NTM: variants seen among roughly 807,000 people sequenced by gnomAD.
NTM encodes the protein IgLON family member 2.
A neutral mutation model predicts 42.1 loss-of-function variants in NTM; 13 were observed. The ratio of observed to expected loss-of-function variants is 0.31; its 90% CI spans 0.20 to 0.49. NTM has a LOEUF of 0.49. NTM is among the 20% of genes least tolerant of loss of function. The pLI is 0.99. For synonymous variants in NTM, 187 were observed against 179.2 expected (o/e 1.04, Z -0.35); for missense variants, 373 against 452.8 (o/e 0.82, Z 1.60).
At chr11:132,152,145 T>A (rs2072074831) in intron 3 of NTM, among the ~76,000 whole-genome samples, 1 of 152,170 alleles carries the variant, frequency 6.6e-6, no homozygotes, top group African/African-American at 2.4e-5. Context: ...ACACAAAATA[T>A]CAAAGGAAAT....
At chr11:132,301,185 T>C (rs1420080098) in intron 4 of NTM, among the ~76,000 whole-genome samples, 1 of 152,156 alleles carries the variant, frequency 6.6e-6, no homozygotes, top group Non-Finnish European at 1.5e-5. Context: ...AACACGTCCT[T>C]CTTCACAAGG....
intron 1 of NTM, among the ~76,000 whole-genome samples, chr11:131,586,115 T>G (rs1294161652): frequency 6.6e-6 from 1 of 151,838 alleles, no homozygotes; most frequent in Non-Finnish European, 1.5e-5. Flanking sequence ...AGTTTTTCCT[T>G]TTTTTTTGGA....
chr11:132,199,128 CA>C (rs552169347), intron 3 of NTM, among the ~76,000 whole-genome samples: 175 of 152,244 alleles, frequency 1.1e-3, no homozygotes, highest in African/African-American at 4.0e-3. Flanking sequence ...AATGACAAAG[CA>C]TGGGTTTTTA....
intron 1 of NTM, among the ~76,000 whole-genome samples, chr11:131,895,023 G>A (rs2052033259): frequency 6.6e-6 from 1 of 152,166 alleles, no homozygotes; most frequent in African/African-American, 2.4e-5. Flanking sequence ...CACCGGGCAA[G>A]CCTGAAGAAG....
At chr11:131,994,642 A>G (rs2067656302) in intron 2 of NTM, among the ~76,000 whole-genome samples, 1 of 152,138 alleles carries the variant, frequency 6.6e-6, no homozygotes, top group African/African-American at 2.4e-5. Context: ...TCATAAGCAC[A>G]CTAGCCTCCT....
At chr11:132,085,144 A>T (rs2059544663) in intron 2 of NTM, among the ~76,000 whole-genome samples, 1 of 152,258 alleles carries the variant, frequency 6.6e-6, no homozygotes, top group Non-Finnish European at 1.5e-5. Flanking sequence ...AATTTAAAGC[A>T]ATATTTTATC....
At chr11:131,660,982 G>A (rs1396065038) in intron 1 of NTM, 22 of 1,304,204 alleles carry the variant, frequency 1.7e-5, no homozygotes, top group Non-Finnish European at 2.2e-5. Flanking sequence ...TGTTTTTAAA[G>A]TGGAAAAAAA....
At chr11:131,403,364 A>G (rs558335044) in intron 1 of NTM, among the ~76,000 whole-genome samples, 23 of 152,144 alleles carry the variant, frequency 1.5e-4, no homozygotes, top group Non-Finnish European at 3.2e-4. Context: ...CTTTGGTCCT[A>G]TGATCACTCT....
chr11:131,464,779 G>T (rs377346732), intron 1 of NTM, among the ~76,000 whole-genome samples: 1 of 152,186 alleles, frequency 6.6e-6, no homozygotes, highest in Non-Finnish European at 1.5e-5. Context: ...GTCCAAGCGG[G>T]TCTGCGAGGG....
At chr11:132,253,144 A>G (rs1032731665) in intron 4 of NTM, among the ~76,000 whole-genome samples, 2 of 152,238 alleles carry the variant, frequency 1.3e-5, no homozygotes, top group Admixed American at 6.5e-5. Context: ...TCTGGAACAC[A>G]TGCCATGTCC....
chr11:131,752,505 G>A (rs1458931674), intron 1 of NTM, among the ~76,000 whole-genome samples: 1 of 152,224 alleles, frequency 6.6e-6, no homozygotes, highest in East Asian at 1.9e-4. Flanking sequence ...TCTAGAGCTA[G>A]AAATACCATT....
intron 2 of NTM, among the ~76,000 whole-genome samples, chr11:131,983,412 G>A (rs1192830015): frequency 8.0e-6 from 1 of 124,890 alleles, no homozygotes; most frequent in African/African-American, 3.1e-5. Flanking sequence ...GTCTCGCTCT[G>A]TCTCCTAGGC....
chr11:131,969,287 G>A (rs1353335856), intron 2 of NTM, among the ~76,000 whole-genome samples: 3 of 152,172 alleles, frequency 2.0e-5, no homozygotes, highest in African/African-American at 7.2e-5. Flanking sequence ...TGAATGACAG[G>A]TGGGGGCTTC....
At chr11:131,770,748 C>T (rs1455862207) in intron 1 of NTM, 1 of 152,096 alleles carries the variant, frequency 6.6e-6, no homozygotes, top group Non-Finnish European at 1.5e-5. Flanking sequence ...TGGCACTTCC[C>T]GAATTTGCTT....
At chr11:131,868,815 T>A (rs2047478014) in intron 1 of NTM, among the ~76,000 whole-genome samples, 1 of 152,200 alleles carries the variant, frequency 6.6e-6, no homozygotes, top group Non-Finnish European at 1.5e-5. Flanking sequence ...CTCTGATCTC[T>A]CCAGGCACTT....
chr11:131,971,612 G>A (rs2063539816), intron 2 of NTM, among the ~76,000 whole-genome samples: 1 of 152,016 alleles, frequency 6.6e-6, no homozygotes, highest in South Asian at 2.1e-4. Context: ...ACCTGCCTGG[G>A]TCCAAATCTT....
intron 1 of NTM, among the ~76,000 whole-genome samples, chr11:131,373,549 G>T (rs1941513958): frequency 6.6e-6 from 1 of 151,752 alleles, no homozygotes. Context: ...GCTCCCTGGG[G>T]CTCTGGCCCT....
chr11:131,971,102 T>A (rs1389880792), intron 2 of NTM, among the ~76,000 whole-genome samples: 1 of 152,186 alleles, frequency 6.6e-6, no homozygotes, highest in African/African-American at 2.4e-5. Flanking sequence ...TGCTGGGTCA[T>A]GGGACTCCAC....
At chr11:131,598,736 T>TTTC (rs2060081466) in intron 1 of NTM, among the ~76,000 whole-genome samples, 1 of 88,668 alleles carries the variant, frequency 1.1e-5, no homozygotes, top group Non-Finnish European at 2.5e-5. Context: ...TCTTTCTTTC[T>TTTC]TTCTTTCTTT....
Sources: gnomAD v4.1 joint callset for allele counts (sites outside exome capture counted in the v4.1 genomes callset) on GRCh38, gnomAD v4.1.1 for gene constraint, MANE v1.5 for transcripts, NCBI Gene and HGNC (gene_info 2026-07-23, HGNC 2026-07-21) for gene names.